Variants in RBFOX1 observed in about 807,000 individuals in gnomAD.
The protein encoded by RBFOX1 is RNA binding fox-1 homolog 1.
RBFOX1 carries 8 observed loss-of-function variants against 57.7 expected under a neutral mutation model. The ratio of observed to expected loss-of-function variants is 0.14; its 90% confidence interval spans 0.08 to 0.25. The LOEUF is 0.25. Ranked by LOEUF, RBFOX1 falls within the 10% of genes least tolerant of loss-of-function variation. The pLI, the probability that RBFOX1 is intolerant of heterozygous loss-of-function variation, is 1.00. For missense variants in RBFOX1, 611 were observed against 548.5 expected, an observed-to-expected ratio of 1.11 and a Z score of -1.14; for synonymous variants, 326 against 222.4, an observed-to-expected ratio of 1.47 and a Z score of -4.15.
chr16:7,344,686 C>T (rs1442444657), intron 4 of RBFOX1, among the ~76,000 whole-genome samples: 1 of 152,110 alleles, frequency 6.6e-6, no homozygotes, highest in Non-Finnish European at 1.5e-5. Flanking sequence ...TCTGGCCAGA[C>T]TTATTTTAAA....
At chr16:5,502,521 A>G (rs1174618573) in intron 2 of RBFOX1, among the ~76,000 whole-genome samples, 1 of 151,968 alleles carries the variant, frequency 6.6e-6, no homozygotes, top group Non-Finnish European at 1.5e-5. Context: ...CTGGCTGGAG[A>G]CCTGCCTTTT....
chr16:6,055,281 G>C (rs961299635), intron 1 of RBFOX1, among the ~76,000 whole-genome samples: 5 of 152,030 alleles, frequency 3.3e-5, no homozygotes, highest in Non-Finnish European at 5.9e-5. Flanking sequence ...TGACATGCAA[G>C]GATTTGGAGA....
chr16:7,162,790 C>G (rs879570765), intron 4 of RBFOX1, among the ~76,000 whole-genome samples: 1 of 152,018 alleles, frequency 6.6e-6, no homozygotes. Context: ...GAAAACAGCT[C>G]TCCTCCTCCT....
At chr16:5,802,785 A>C (rs906788345) in intron 3 of RBFOX1, among the ~76,000 whole-genome samples, 1 of 152,158 alleles carries the variant, frequency 6.6e-6, no homozygotes, top group African/African-American at 2.4e-5. Flanking sequence ...ATTCACTTAT[A>C]TATTGGTTCA....
At chr16:6,236,421 G>A (rs2097505344) in intron 1 of RBFOX1, among the ~76,000 whole-genome samples, 1 of 150,536 alleles carries the variant, frequency 6.6e-6, no homozygotes, top group Non-Finnish European at 1.5e-5. Context: ...GTAAATATTA[G>A]CCTTTATTAT....
intron 2 of RBFOX1, among the ~76,000 whole-genome samples, chr16:6,458,022 G>A (rs940319317): frequency 2.2e-4 from 28 of 125,640 alleles, no homozygotes; most frequent in Non-Finnish European, 3.5e-5. Context: ...AAAAAAAAAA[G>A]AATCTCTTTG....
rs148336485 is a variant in RBFOX1 at position 6,562,462 on chromosome 16, G to C, written c.-63-92141G>C. On this transcript the variant is annotated intron_variant, in intron 2 of 15. Transcript: ENST00000550418. ...CTATGATCACTGTGGAAATTCAGCT[G>C]TGCTGGCATACAGGAGGTATATGTA... 7.9e-5 allele frequency among the ~76,000 whole-genome samples: 12 copies of C among 152,340 alleles called. No homozygotes were observed. In the East Asian group the frequency reaches 2.3e-3, roughly 29 times the overall value.
At chr16:7,567,683 A>G (rs914566886) in intron 5 of RBFOX1, among the ~76,000 whole-genome samples, 2 of 135,912 alleles carry the variant, frequency 1.5e-5, no homozygotes, top group Admixed American at 7.4e-5. Flanking sequence ...ATGGCCCTAT[A>G]TAGATATATA....
chr16:6,797,002 G>A (rs1308043746), intron 3 of RBFOX1, among the ~76,000 whole-genome samples: 1 of 152,118 alleles, frequency 6.6e-6, no homozygotes, highest in African/African-American at 2.4e-5. Flanking sequence ...GATGCCACGG[G>A]CAGTCTAAAT....
intron 3 of RBFOX1, among the ~76,000 whole-genome samples, chr16:5,813,475 C>T (rs2055509208): frequency 6.6e-6 from 1 of 152,104 alleles, no homozygotes. Context: ...ATGATTCAGC[C>T]ATAAAGGGAA....
chr16:6,996,311 G>C lies in RBFOX1; in HGVS notation c.-15-55746G>C, dbSNP rs573932544. ...TTAGAATAACACTGAACTAGTACTG[G>C]GATTTTTAAATTTGATATTCGGACA... On this transcript the variant is annotated intron_variant, in intron 3 of 15. Transcript: ENST00000550418. 2.0e-5 allele frequency among the ~76,000 whole-genome samples: 3 copies of C among 152,002 alleles called. No individual in the cohort carries two copies. The South Asian group carries it at 6.2e-4, about 31-fold the overall frequency.
intron 4 of RBFOX1, among the ~76,000 whole-genome samples, chr16:7,288,700 G>T (rs2095699049): frequency 6.6e-6 from 1 of 152,160 alleles, no homozygotes; most frequent in Non-Finnish European, 1.5e-5. Flanking sequence ...AATTAGCCAG[G>T]CATGATGGCA....
chr16:6,565,652 A>T (rs1315696109), intron 2 of RBFOX1, among the ~76,000 whole-genome samples: 1 of 143,864 alleles, frequency 7.0e-6, no homozygotes, highest in African/African-American at 2.6e-5. Context: ...TATTTTTAGT[A>T]GAGACGGGGG....
chr16:6,093,086 C>G (rs762812923), intron 1 of RBFOX1: 1 of 152,110 alleles, frequency 6.6e-6, no homozygotes, highest in Non-Finnish European at 1.5e-5. Flanking sequence ...AAATATTACC[C>G]TTTTGTTTGC....
chr16:6,487,156 G>GTT (rs2095502647), intron 2 of RBFOX1, among the ~76,000 whole-genome samples: 1 of 91,508 alleles, frequency 1.1e-5, no homozygotes, highest in Non-Finnish European at 3.0e-5. Flanking sequence ...GTGTGTGTGT[G>GTT]TGTGTGTGTG....
At chr16:7,087,059 G>C (rs1185896311) in intron 4 of RBFOX1, among the ~76,000 whole-genome samples, 2 of 152,198 alleles carry the variant, frequency 1.3e-5, no homozygotes, top group African/African-American at 4.8e-5. Context: ...GATGGCTGTA[G>C]ACAAGTGTGC....
chr16:5,479,706 C>G (rs920660769), intron 2 of RBFOX1, among the ~76,000 whole-genome samples: 1 of 152,062 alleles, frequency 6.6e-6, no homozygotes, highest in Non-Finnish European at 1.5e-5. Context: ...TTGCAGTGAT[C>G]CAAGATCGCG....
At chr16:7,602,395 G>T (rs539342489) in intron 9 of RBFOX1, among the ~76,000 whole-genome samples, 15 of 152,282 alleles carry the variant, frequency 9.9e-5, no homozygotes, top group Non-Finnish European at 1.6e-4. Context: ...GGGGGGCCCT[G>T]GGAGGCTGGG....
chr16:6,495,382 T>G (rs2095742459), intron 2 of RBFOX1, among the ~76,000 whole-genome samples: 1 of 148,218 alleles, frequency 6.7e-6, no homozygotes, highest in Admixed American at 6.7e-5. Flanking sequence ...GCCCCCGCCT[T>G]GGCCTCCCTA....
Sources: gnomAD v4.1 joint callset for allele counts (sites outside exome capture counted in the v4.1 genomes callset) on GRCh38, gnomAD v4.1.1 for gene constraint, MANE v1.5 for transcripts, NCBI Gene and HGNC (gene_info 2026-07-23, HGNC 2026-07-21) for gene names.